DNAH5: variants seen among roughly 807,000 people sequenced by gnomAD.
DNAH5 encodes dynein axonemal heavy chain 5.
In DNAH5, 372 loss-of-function variants were observed where a neutral mutation model predicts 518.2. The observed-to-expected ratio is 0.72, with a 90% CI of 0.66 to 0.78. The LOEUF is 0.78. DNAH5 is among the 30% of genes least tolerant of loss of function. DNAH5 has a pLI of 0.00. For synonymous variants in DNAH5, 2,039 were observed against 2,025.9 expected (o/e 1.01, Z -0.17); for missense variants, 5,523 against 5,687.0 (o/e 0.97, Z 0.93).
chr5:13,902,829 T>C (rs529604166), intron 12 of DNAH5, among the ~76,000 whole-genome samples: 27 of 152,168 alleles, frequency 1.8e-4, no homozygotes, highest in African/African-American at 6.3e-4. Flanking sequence ...AAAGCTAGTC[T>C]GGGAAAGTAA....
At chr5:13,774,921 T>A (rs1753855977) in intron 55 of DNAH5, among the ~76,000 whole-genome samples, 1 of 152,190 alleles carries the variant, frequency 6.6e-6, no homozygotes, top group East Asian at 1.9e-4. Flanking sequence ...TTTCCATTGT[T>A]AATACCTTAC....
At position 13,880,697 on chromosome 5, in the gene DNAH5, T is replaced by A. The variant is rs575966012; in HGVS notation, c.3262+2031A>T. ...AAAGCAAAAGGCCATAAGAGATACA[T>A]AAAAGAAAAAAAAAGATCCAAAATA... On this transcript the variant is annotated intron_variant, in intron 21 of 78. Transcript: ENST00000265104. 1.8e-4 allele frequency among the ~76,000 whole-genome samples: 27 copies of A among 149,208 alleles called. No homozygotes were observed. In the South Asian group the frequency reaches 5.5e-3, roughly 30 times the overall value.
At chr5:13,935,258 A>G (rs2152015803) in intron 1 of DNAH5, among the ~76,000 whole-genome samples, 1 of 152,328 alleles carries the variant, frequency 6.6e-6, no homozygotes, top group Admixed American at 6.5e-5. Flanking sequence ...AGATTCTCCC[A>G]TGGCAACACA....
chr5:13,717,150 C>T (rs1396668596), intron 73 of DNAH5, among the ~76,000 whole-genome samples, 165 bp downstream of exon 73: 1 of 152,086 alleles, frequency 6.6e-6, no homozygotes, highest in Non-Finnish European at 1.5e-5. Flanking sequence ...TCAATTTTTC[C>T]TGAAATCAAG....
chr5:13,873,673 T>C (rs914698436), intron 22 of DNAH5, among the ~76,000 whole-genome samples: 3 of 151,986 alleles, frequency 2.0e-5, no homozygotes, highest in Admixed American at 1.3e-4. Flanking sequence ...TATTTATTTA[T>C]TTATTTTTGT....
chr5:13,896,818 A>T (rs1217090886), intron 15 of DNAH5: 1 of 152,212 alleles, frequency 6.6e-6, no homozygotes, highest in Non-Finnish European at 1.5e-5. Flanking sequence ...ATATGTAACC[A>T]TGTCAATATT....
chr5:13,984,772 A>G (rs1200670722), intron 1 of DNAH5, among the ~76,000 whole-genome samples: 1 of 152,218 alleles, frequency 6.6e-6, no homozygotes, highest in Non-Finnish European at 1.5e-5. Context: ...CCTTTTCTGC[A>G]TCTATTGAGA....
intron 12 of DNAH5, among the ~76,000 whole-genome samples, chr5:13,903,407 T>A (rs1326339165): frequency 2.0e-5 from 3 of 151,932 alleles, no homozygotes; most frequent in Non-Finnish European, 4.4e-5. Flanking sequence ...CCTAAGATAT[T>A]TAAAATGAGA....
chr5:13,879,334 A>G (rs1447418641), intron 21 of DNAH5, among the ~76,000 whole-genome samples: 2 of 152,198 alleles, frequency 1.3e-5, no homozygotes, highest in African/African-American at 4.8e-5. Flanking sequence ...ATCCCAATAA[A>G]TCCATCATAA....
In DNAH5 at chr5:13,794,063, G is replaced by A. The variant is rs760613466; in HGVS notation, c.7888-5C>T. 3 of 1,608,406 alleles carry A rather than the reference G, an allele frequency of 1.9e-6. No individual in the cohort carries two copies. The highest frequency in any genetic ancestry group is 3.4e-5 in the Admixed American group (2 of 59,568). ...CACATAGCTCTCTATCGTCCTCTGT[G>A]AAAAAAAAATCAACTGAAACATCTG... On this transcript the variant is annotated splice_polypyrimidine_tract_variant and splice_region_variant and intron_variant, in intron 47 of 78. Coordinates refer to ENST00000265104, the MANE Select transcript of DNAH5 (RefSeq NM_001369.3).
At chr5:13,770,321 G>A (rs369141249) in intron 56 of DNAH5, among the ~76,000 whole-genome samples, 29 of 152,280 alleles carry the variant, frequency 1.9e-4, no homozygotes, top group African/African-American at 6.5e-4. Context: ...CAGAAGGGAT[G>A]GGAAGAGAAG....
intron 61 of DNAH5, among the ~76,000 whole-genome samples, chr5:13,755,145 G>A (rs531642688): frequency 6.6e-6 from 1 of 152,062 alleles, no homozygotes; most frequent in South Asian, 2.1e-4. Flanking sequence ...AAAACAAATG[G>A]CTCTGTTTCT....
At chr5:13,936,567 G>A (rs938180941) in intron 1 of DNAH5, among the ~76,000 whole-genome samples, 4 of 152,102 alleles carry the variant, frequency 2.6e-5, no homozygotes, top group Non-Finnish European at 5.9e-5. Flanking sequence ...TTATAGAAAT[G>A]AAGATAAAAG....
Position 13,917,150 on chromosome 5 carries a change from C to T in DNAH5, c.1082G>A (p.Ser361Asn). Residue 361 changes from serine to asparagine, a missense_variant, in exon 8 of 79, where the codon AGT becomes AAT. Ser to Asn is a conservative substitution (Grantham distance 46). This residue lies in a region of DNAH5 where 5,121 missense variants were observed against 5,223.3 expected (regional missense o/e 0.98). Coordinates refer to ENST00000265104, the MANE Select transcript of DNAH5 (RefSeq NM_001369.3). The part of the protein sequence containing the change: ...LEKCCDPLYS[S>N]DPLSMMDAIP... ...TAGAAATCCTTAACTCACGGGATCA[C>T]TGCTGTACAAAGGGTCACAACATTT... The T allele has an allele frequency of 6.2e-7, 1 of 1,612,474 alleles. No homozygotes were observed.
At chr5:13,777,877 A>T (rs1229592558) in intron 53 of DNAH5, among the ~76,000 whole-genome samples, 4 of 152,196 alleles carry the variant, frequency 2.6e-5, no homozygotes, top group Admixed American at 6.5e-5. Context: ...CTGAGCAATC[A>T]GTACACTGTA....
chr5:13,947,236 C>A (rs181240053), upstream of DNAH5, among the ~76,000 whole-genome samples: 2 of 152,252 alleles, frequency 1.3e-5, no homozygotes, highest in Admixed American at 6.5e-5. Context: ...GTTACCTTTA[C>A]GCTTACATTC....
intron 73 of DNAH5, 67 bp downstream of exon 73, chr5:13,717,248 G>A (rs1248217941): frequency 5.0e-6 from 7 of 1,404,640 alleles, no homozygotes; most frequent in Middle Eastern, 4.7e-4. Context: ...AAAGCTAGGA[G>A]GTCCCGTGAG....
intron 1 of DNAH5, among the ~76,000 whole-genome samples, chr5:14,007,482 C>A (rs953682938): frequency 6.6e-6 from 1 of 152,240 alleles, no homozygotes; most frequent in African/African-American, 2.4e-5. Context: ...GAAAGATATT[C>A]TCATATTCTG....
chr5:13,762,761 AGCCATAGCTTTC>A lies in DNAH5; in HGVS notation c.10230_10241del (p.Lys3411_Ala3414del). The stretch of plus-strand genomic sequence containing the variant: ...CTTCTTTGTTTATAGAAAAGAAGGA[AGCCATAGCTTTC>A]GTCCAGGAACAAAGACCAGCTACAT... On this transcript the variant is annotated inframe_deletion, in exon 60 of 79. Coordinates refer to ENST00000265104, the MANE Select transcript of DNAH5 (RefSeq NM_001369.3). 2 of 1,614,168 alleles carry A rather than the reference AGCCATAGCTTTC, an allele frequency of 1.2e-6. No homozygotes were observed. Among genetic ancestry groups the A allele is most frequent in the Non-Finnish European group, 1.7e-6 (2 of 1,180,004 alleles).
Sources: allele counts gnomAD v4.1 joint callset (sites outside exome capture counted in the v4.1 genomes callset), GRCh38; gene constraint gnomAD v4.1.1; regional missense constraint gnomAD v4.1.1; transcripts MANE v1.5; gene names NCBI Gene and HGNC (gene_info 2026-07-23, HGNC 2026-07-21).